The following EML6 variants were observed in gnomAD, a reference collection of about 807,000 sequenced individuals.
The protein encoded by EML6 is echinoderm microtubule-associated protein-like 6.
Under a neutral mutation model 240.1 loss-of-function variants are expected in EML6, and 154 were observed. That is an observed-to-expected ratio of 0.64 (90% CI 0.56 to 0.73). The LOEUF (loss-of-function observed/expected upper bound fraction) is 0.73. Ranked by LOEUF, EML6 falls within the 30% of genes least tolerant of loss-of-function variation. EML6 has a pLI of 0.00. For synonymous variants in EML6, 1,148 were observed against 899.0 expected, an observed-to-expected ratio of 1.28 and a Z score of -4.95; for missense variants, 2,964 against 2,474.6, an observed-to-expected ratio of 1.20 and a Z score of -4.20.
rs556799629 is a variant in EML6 at position 54,806,480 on chromosome 2, G to A, written c.198-6752G>A. 3.9e-5 allele frequency among the ~76,000 whole-genome samples: 6 copies of A among 152,002 alleles called. No individual in the cohort carries two copies. The East Asian group carries it at 1.2e-3, about 29-fold the overall frequency. On this transcript the variant is annotated intron_variant, in intron 2 of 41. Transcript: ENST00000356458. ...ATATAGAAAATAGCTGGGCGTGGTAGCACGTGCCTGTAATCCCAACTACTC... is the reference window on the plus strand; with the variant it reads ...ATATAGAAAATAGCTGGGCGTGGTAACACGTGCCTGTAATCCCAACTACTC...
At chr2:54,911,305 G>T (rs1294269917) in intron 25 of EML6, among the ~76,000 whole-genome samples, 1 of 152,090 alleles carries the variant, frequency 6.6e-6, no homozygotes, top group Non-Finnish European at 1.5e-5. Context: ...TAGCAATTTG[G>T]ATGTTATATA....
chr2:54,907,643 G>C (rs1462834829), intron 24 of EML6, among the ~76,000 whole-genome samples: 1 of 152,170 alleles, frequency 6.6e-6, no homozygotes. Context: ...TATAGCAGCT[G>C]GGATGATGTA....
chr2:54,961,184 G>GTTTTTTTTTTTTTTTTTTTTTTT lies in EML6; in HGVS notation c.4968+869_4968+870insTTTTTTTTTTTTTTTTTTTTTTT, dbSNP rs575621987. Among the ~76,000 whole-genome samples, 39 of 55,402 alleles carry GTTTTTTTTTTTTTTTTTTTTTTT rather than the reference G, an allele frequency of 7.0e-4. 1 individual carries two copies. Among genetic ancestry groups the GTTTTTTTTTTTTTTTTTTTTTTT allele is most frequent in the African/African-American group, 1.2e-3 (15 of 12,366 alleles). 36.3% of individuals were successfully genotyped at this position (55,402 alleles called of 152,430 possible). ...GGAGCCTGGAAGTTATCAGGAAGTA[G>GTTTTTTTTTTTTTTTTTTTTTTT]TTTTTTTTTTTTTTTTTTTGAGACG... On this transcript the variant is annotated intron_variant, in intron 35 of 41. Coordinates refer to ENST00000356458, the MANE Select transcript of EML6 (RefSeq NM_001039753.4).
intron 13 of EML6, among the ~76,000 whole-genome samples, chr2:54,866,547 A>G (rs946582767): frequency 1.3e-5 from 2 of 152,246 alleles, no homozygotes; most frequent in Non-Finnish European, 2.9e-5. Context: ...TTAAGAAAAC[A>G]GTAACAAATC....
In EML6 at chr2:54,954,082, G is replaced by A. The variant is rs1676116955; in HGVS notation, c.4412G>A (p.Ser1471Asn). 1.3e-6 allele frequency: 2 copies of A among 1,551,578 alleles called. No homozygotes were observed. The highest frequency in any genetic ancestry group is 1.2e-5 in the South Asian group (1 of 84,026). Residue 1471 changes from serine to asparagine, a missense_variant, in exon 32 of 42, where the codon AGT becomes AAT. By Grantham distance (46) the Ser-to-Asn change is conservative. Transcript: ENST00000356458. ...AAGGGGGTGAATTACATCAACTTCA[G>A]TGCAACTGGAAAGCTCCTGGTGTCG... is the stretch of plus-strand genomic sequence containing the variant. The part of the protein sequence containing the change: ...HSKGVNYINF[S>N]ATGKLLVSVG...
At chr2:54,732,270 T>C (rs963797021) in intron 2 of EML6, among the ~76,000 whole-genome samples, 5 of 152,154 alleles carry the variant, frequency 3.3e-5, no homozygotes, top group Admixed American at 3.3e-4. Context: ...GTCTTGGTGG[T>C]ACCCTTGGAA....
Position 54,919,787 on chromosome 2 carries a change from A to G in EML6, c.3675+2852A>G, listed in dbSNP as rs558087119. ...CCCTACCTGACAAGGTGGCTTATCT[A>G]TATATTAGTCATTTCAAGTTGTGTT... On this transcript the variant is annotated intron_variant, in intron 26 of 41. Transcript: ENST00000356458. 9.3e-4 allele frequency among the ~76,000 whole-genome samples: 141 copies of G among 152,270 alleles called. 2 individuals are homozygous for G. The highest frequency in any genetic ancestry group is 3.3e-3 in the African/African-American group (136 of 41,542).
chr2:54,800,226 C>G (rs988640146), intron 2 of EML6, among the ~76,000 whole-genome samples: 1 of 152,136 alleles, frequency 6.6e-6, no homozygotes, highest in Non-Finnish European at 1.5e-5. Context: ...GCCTGACATG[C>G]CATGCAACCA....
intron 17 of EML6, among the ~76,000 whole-genome samples, chr2:54,890,736 T>A (rs1672422042): frequency 6.6e-6 from 1 of 152,196 alleles, no homozygotes; most frequent in Non-Finnish European, 1.5e-5. Flanking sequence ...TCCCCACAAT[T>A]ACTTGCAACC....
At chr2:54,838,532 A>T (rs1669273119) in intron 7 of EML6, among the ~76,000 whole-genome samples, 1 of 152,194 alleles carries the variant, frequency 6.6e-6, no homozygotes, top group Non-Finnish European at 1.5e-5. Context: ...GAAAATAAGC[A>T]ATGTCCCTTA....
At chr2:54,787,841 T>C (rs561746584) in intron 2 of EML6, among the ~76,000 whole-genome samples, 25 of 152,250 alleles carry the variant, frequency 1.6e-4, no homozygotes, top group African/African-American at 5.8e-4. Context: ...TTTAATATCA[T>C]TGCTCCTTCT....
chr2:54,949,859 T>G (rs562292323), intron 29 of EML6, among the ~76,000 whole-genome samples: 4 of 152,342 alleles, frequency 2.6e-5, no homozygotes, highest in Middle Eastern at 6.8e-3. Flanking sequence ...GTGTTGTCAT[T>G]CCTTCTGCTT....
chr2:54,888,215 T>G (rs1010319114), intron 17 of EML6, among the ~76,000 whole-genome samples: 2 of 152,202 alleles, frequency 1.3e-5, no homozygotes, highest in African/African-American at 2.4e-5. Flanking sequence ...TTGGATCTTA[T>G]AATGCAGTGT....
At chr2:54,735,504 A>G (rs544450030) in intron 2 of EML6, among the ~76,000 whole-genome samples, 4 of 152,356 alleles carry the variant, frequency 2.6e-5, no homozygotes, top group African/African-American at 9.6e-5. Context: ...CTTTTTTAAG[A>G]GAATATTTGA....
At chr2:54,731,625 T>A (rs995239440) in intron 2 of EML6, among the ~76,000 whole-genome samples, 37 of 141,116 alleles carry the variant, frequency 2.6e-4, no homozygotes, top group African/African-American at 8.1e-4. Flanking sequence ...AAAAAAAATA[T>A]ATATATATAT....
At chr2:54,924,654 T>C (rs545433922) in intron 26 of EML6, among the ~76,000 whole-genome samples, 1 of 152,290 alleles carries the variant, frequency 6.6e-6, no homozygotes, top group South Asian at 2.1e-4. Flanking sequence ...CTCTGTCTCC[T>C]GGGTTCAAGT....
intron 38 of EML6, 22 bp from the exon 39 acceptor site, chr2:54,966,978 A>T (rs571212478): frequency 1.0e-4 from 155 of 1,485,694 alleles, no homozygotes; most frequent in Non-Finnish European, 1.3e-4. Context: ...GTTGATGAAC[A>T]TGGCTTCCCT....
At chr2:54,750,300 C>A (rs146099094) in intron 2 of EML6, among the ~76,000 whole-genome samples, 1 of 152,150 alleles carries the variant, frequency 6.6e-6, no homozygotes, top group Non-Finnish European at 1.5e-5. Context: ...TCTGCCATTC[C>A]GATGGCTTCA....
chr2:54,945,983 G>A (rs1056618038), intron 28 of EML6, among the ~76,000 whole-genome samples: 5 of 152,174 alleles, frequency 3.3e-5, no homozygotes, highest in Non-Finnish European at 5.9e-5. Context: ...GAGCAGGGCC[G>A]ACTTGTTACT....
Sources: allele counts gnomAD v4.1 joint callset (sites outside exome capture counted in the v4.1 genomes callset), GRCh38; gene constraint gnomAD v4.1.1; transcripts MANE v1.5; gene names NCBI Gene and HGNC (gene_info 2026-07-23, HGNC 2026-07-21).